Variants in ANP32B observed in about 807,000 individuals in gnomAD.
The protein encoded by ANP32B is acidic leucine-rich nuclear phosphoprotein 32 family member B.
In ANP32B, 6 loss-of-function variants were observed where a neutral mutation model predicts 32.2. The observed-to-expected ratio is 0.19, with a 90% confidence interval of 0.10 to 0.37. The LOEUF (loss-of-function observed/expected upper bound fraction) is 0.37. ANP32B is among the 10% of genes least tolerant of loss of function. The pLI, the probability that ANP32B is intolerant of heterozygous loss-of-function variation, is 1.00. For missense variants in ANP32B, 204 were observed against 289.2 expected, an observed-to-expected ratio of 0.71 and a Z score of 2.14; for synonymous variants, 98 against 105.8, an observed-to-expected ratio of 0.93 and a Z score of 0.45.
At chr9:98,015,303 G>C in intron 6 of ANP32B, 61 bp from the exon 7 acceptor site, 1 of 1,537,256 alleles carries the variant, frequency 6.5e-7, no homozygotes, top group South Asian at 1.2e-5. Flanking sequence ...TGCCTCCATT[G>C]GCAATAATCT....
At chr9:98,008,166 C>T (rs1351818040) in intron 4 of ANP32B, among the ~76,000 whole-genome samples, 5 of 152,134 alleles carry the variant, frequency 3.3e-5, no homozygotes, top group Non-Finnish European at 7.4e-5. Context: ...GTGTTGTTCC[C>T]CTCCATGTGT....
At chr9:98,012,247 A>G (rs1828198224) in intron 5 of ANP32B, among the ~76,000 whole-genome samples, 174 bp from the exon 6 acceptor site, 1 of 152,220 alleles carries the variant, frequency 6.6e-6, no homozygotes, top group Non-Finnish European at 1.5e-5. Flanking sequence ...AAAGCTCGTT[A>G]AGGAAAATCA....
intron 5 of ANP32B, 121 bp from the exon 6 acceptor site, chr9:98,012,300 T>C: frequency 8.6e-7 from 1 of 1,169,382 alleles, no homozygotes; most frequent in Non-Finnish European, 1.2e-6. Context: ...AACATTACAG[T>C]TTCCTGCTTG....
intron 4 of ANP32B, among the ~76,000 whole-genome samples, chr9:98,006,397 TC>T (rs1341366672): frequency 6.6e-6 from 1 of 152,060 alleles, no homozygotes; most frequent in Non-Finnish European, 1.5e-5. Context: ...ATTTACCACT[TC>T]CATCCACACC....
chr9:98,010,103 C>G (rs1444699317), intron 4 of ANP32B, among the ~76,000 whole-genome samples: 1 of 152,054 alleles, frequency 6.6e-6, no homozygotes, highest in African/African-American at 2.4e-5. Context: ...AAAGGACATT[C>G]CTTGGAAGGT....
In ANP32B at chr9:97,996,472, T is replaced by G. The variant is rs1587874260; in HGVS notation, c.204+1692T>G. ...ACACAAATTAAAAACTTTTAACATT[T>G]AAAACATTAATCACTTCCCTTATAG... On this transcript the variant is annotated intron_variant, in intron 2 of 6. Transcript: ENST00000339399. Among the ~76,000 whole-genome samples, 3 of 152,230 alleles carry G rather than the reference T, an allele frequency of 2.0e-5. No homozygotes were observed. The East Asian group carries it at 5.8e-4, about 29-fold the overall frequency.
chr9:97,987,190 T>C (rs770534291), intron 1 of ANP32B, among the ~76,000 whole-genome samples: 1 of 152,210 alleles, frequency 6.6e-6, no homozygotes, highest in African/African-American at 2.4e-5. Flanking sequence ...TTATTTATTT[T>C]TTTCTAAGTC....
chr9:97,987,304 A>AC (rs1042701021), intron 1 of ANP32B, among the ~76,000 whole-genome samples: 65 of 152,316 alleles, frequency 4.3e-4, no homozygotes, highest in African/African-American at 1.5e-3. Flanking sequence ...CCATTTAAAA[A>AC]CATTTTATAG....
Position 97,998,630 on chromosome 9 carries a change from A to C in ANP32B, c.279A>C (p.Leu93=), listed in dbSNP as rs61757702. The part of the protein sequence containing the change: ...LAEKLPNLTH[L]NLSGNKLKDI... ...AAAAACTTCCAAATCTCACACATCTAAACTTAAGTGGAAATAAACTGAAAG... is the reference window on the plus strand; with the variant it reads ...AAAAACTTCCAAATCTCACACATCTCAACTTAAGTGGAAATAAACTGAAAG... Residue 93 remains leucine, a synonymous_variant, in exon 3 of 7, where the codon CTA becomes CTC. Transcript: ENST00000339399. 1.2e-6 allele frequency: 2 copies of C among 1,612,198 alleles called. No homozygotes were observed. Among genetic ancestry groups the C allele is most frequent in the Non-Finnish European group, 1.7e-6 (2 of 1,179,358 alleles).
intron 1 of ANP32B, among the ~76,000 whole-genome samples, chr9:97,985,831 C>CT (rs201092821): frequency 0.02 from 2,949 of 149,312 alleles, 43 homozygotes; most frequent in African/African-American, 0.042. Flanking sequence ...TTCTGTTTTT[C>CT]TTTTTTTTTT....
intron 2 of ANP32B, among the ~76,000 whole-genome samples, chr9:97,998,042 T>G (rs1449461719): frequency 6.6e-6 from 1 of 152,228 alleles, no homozygotes; most frequent in Non-Finnish European, 1.5e-5. Context: ...ATGGGCTTAC[T>G]TGTAGGGCCC....
chr9:98,008,576 T>G (rs1196149762), intron 4 of ANP32B, among the ~76,000 whole-genome samples: 1 of 152,222 alleles, frequency 6.6e-6, no homozygotes, highest in Non-Finnish European at 1.5e-5. Flanking sequence ...ATCCTGAGAT[T>G]GCCAAAAAAG....
At chr9:97,992,810 C>G (rs1403052648) in intron 1 of ANP32B, among the ~76,000 whole-genome samples, 1 of 152,186 alleles carries the variant, frequency 6.6e-6, no homozygotes, top group East Asian at 1.9e-4. Flanking sequence ...GCAAAGGTCA[C>G]TGACATTTCC....
intron 2 of ANP32B, among the ~76,000 whole-genome samples, chr9:97,995,161 C>G (rs1245883862): frequency 6.6e-6 from 1 of 152,170 alleles, no homozygotes; most frequent in African/African-American, 2.4e-5. Flanking sequence ...CCAAATGCAA[C>G]ATAAAAATGT....
At position 97,993,531 on chromosome 9, in the gene ANP32B, T is replaced by C. The variant is rs561259265; in HGVS notation, c.55-1100T>C. On this transcript the variant is annotated intron_variant, in intron 1 of 6. Transcript: ENST00000339399. ...GAGTAGATCAAAGTGAGCTAAAAAGTTGCAAGTTTCAGGATGATCATAGAG... is the reference window on the plus strand; with the variant it reads ...GAGTAGATCAAAGTGAGCTAAAAAGCTGCAAGTTTCAGGATGATCATAGAG... Among the ~76,000 whole-genome samples, 5 of 152,262 alleles carry C rather than the reference T, an allele frequency of 3.3e-5. 1 individual carries two copies. In the South Asian group the frequency reaches 1.0e-3, roughly 32 times the overall value.
chr9:97,990,014 A>AG (rs1392386709), intron 1 of ANP32B, among the ~76,000 whole-genome samples: 1 of 152,164 alleles, frequency 6.6e-6, no homozygotes, highest in Non-Finnish European at 1.5e-5. Flanking sequence ...TAGGGGTTGG[A>AG]GGGGTAGTCT....
intron 1 of ANP32B, chr9:97,984,490 C>T (rs1417004052): frequency 2.0e-5 from 3 of 151,332 alleles, no homozygotes; most frequent in Non-Finnish European, 2.9e-5. Context: ...GCCCGGGGCC[C>T]CTGCCCTTGC....
intron 3 of ANP32B, among the ~76,000 whole-genome samples, chr9:98,001,162 CCCG>C (rs1174006898): frequency 7.0e-6 from 1 of 142,452 alleles, no homozygotes; most frequent in Non-Finnish European, 1.5e-5. Flanking sequence ...AACCCTTCTC[CCCG>C]CCACCCCCCT....
At chr9:97,990,412 A>C (rs1428850074) in intron 1 of ANP32B, among the ~76,000 whole-genome samples, 2 of 152,220 alleles carry the variant, frequency 1.3e-5, no homozygotes, top group Admixed American at 6.5e-5. Flanking sequence ...TACAGCCCTA[A>C]GTGGGGCCCT....
Sources: gnomAD v4.1 joint callset for allele counts (sites outside exome capture counted in the v4.1 genomes callset) on GRCh38, gnomAD v4.1.1 for gene constraint, MANE v1.5 for transcripts, NCBI Gene and HGNC (gene_info 2026-07-23, HGNC 2026-07-21) for gene names.